LMBR1: variants seen among roughly 807,000 people sequenced by gnomAD.
The protein encoded by LMBR1 is limb region 1 protein homolog.
In LMBR1, 52 loss-of-function variants were observed where a neutral mutation model predicts 73.9. The observed-to-expected ratio is 0.70, with a 90% CI of 0.56 to 0.89. The LOEUF is 0.89. Among genes scored for constraint, LMBR1 ranks in the 40% least tolerant of loss-of-function variants. LMBR1 has a pLI of 0.00. For missense variants in LMBR1, 539 were observed against 579.8 expected (o/e 0.93, Z 0.72); for synonymous variants, 215 against 209.4 (o/e 1.03, Z -0.23).
chr7:156,851,072 C>T (rs1264696469), intron 1 of LMBR1, among the ~76,000 whole-genome samples: 8 of 152,182 alleles, frequency 5.3e-5, no homozygotes, highest in Admixed American at 4.6e-4. Flanking sequence ...TGGAAGCTTT[C>T]TGAGGTCTTC....
intron 4 of LMBR1, among the ~76,000 whole-genome samples, chr7:156,824,831 C>T (rs1033257197): frequency 4.0e-5 from 6 of 149,048 alleles, no homozygotes; most frequent in Non-Finnish European, 7.4e-5. Flanking sequence ...GGCGACAGAG[C>T]GAGACCCTGT....
intron 4 of LMBR1, among the ~76,000 whole-genome samples, chr7:156,799,115 T>C (rs987704441): frequency 6.6e-6 from 1 of 151,696 alleles, no homozygotes; most frequent in African/African-American, 2.4e-5. Flanking sequence ...GGCAGGAGAA[T>C]TGCTTGAACC....
chr7:156,755,679 T>C (rs1298133521), intron 9 of LMBR1, among the ~76,000 whole-genome samples: 2 of 152,192 alleles, frequency 1.3e-5, no homozygotes, highest in Admixed American at 6.5e-5. Flanking sequence ...GTTAGAAGAA[T>C]AAAAGACATA....
At chr7:156,779,653 A>T in intron 5 of LMBR1, 2 of 1,268,100 alleles carry the variant, frequency 1.6e-6, no homozygotes, top group South Asian at 2.5e-5. Flanking sequence ...CAATGTACTT[A>T]CAAAAGCTCT....
chr7:156,795,930 A>T (rs1829997571), intron 5 of LMBR1, among the ~76,000 whole-genome samples: 1 of 152,206 alleles, frequency 6.6e-6, no homozygotes, highest in Non-Finnish European at 1.5e-5. Flanking sequence ...CAGTTTTCTT[A>T]ATGTCAGGTT....
chr7:156,752,470 T>C (rs1821085539), intron 9 of LMBR1, among the ~76,000 whole-genome samples: 1 of 152,160 alleles, frequency 6.6e-6, no homozygotes, highest in African/African-American at 2.4e-5. Context: ...ATCGTGTCCT[T>C]GAATCAGTGA....
At chr7:156,824,255 G>A (rs1471432917) in intron 4 of LMBR1, among the ~76,000 whole-genome samples, 1 of 152,134 alleles carries the variant, frequency 6.6e-6, no homozygotes, top group Admixed American at 6.5e-5. Context: ...TAAGGGAGCG[G>A]TTGGTGTTGC....
intron 3 of LMBR1, 139 bp from the exon 4 acceptor site, chr7:156,826,883 G>T: frequency 1.3e-6 from 1 of 753,884 alleles, no homozygotes. Flanking sequence ...ATGTAGTTGG[G>T]AGACAAATGA....
At chr7:156,881,289 C>T (rs1801046007) in intron 1 of LMBR1, among the ~76,000 whole-genome samples, 2 of 152,120 alleles carry the variant, frequency 1.3e-5, no homozygotes, top group African/African-American at 4.8e-5. Flanking sequence ...TGGAGATTCA[C>T]ATTCAAAAAA....
At chr7:156,880,120 T>C (rs983700624) in intron 1 of LMBR1, among the ~76,000 whole-genome samples, 8 of 152,030 alleles carry the variant, frequency 5.3e-5, no homozygotes, top group Non-Finnish European at 1.2e-4. Flanking sequence ...AATTAACAAG[T>C]GGATATAGAA....
At chr7:156,783,954 CTTG>C (rs1424645355) in intron 5 of LMBR1, among the ~76,000 whole-genome samples, 1 of 149,978 alleles carries the variant, frequency 6.7e-6, no homozygotes, top group Non-Finnish European at 1.5e-5. Context: ...TATCACTCTT[CTTG>C]TTGTATTTTG....
At position 156,696,978 on chromosome 7, in the gene LMBR1, G is replaced by A. The variant is rs189898084; in HGVS notation, c.1226-8787C>T. On this transcript the variant is annotated intron_variant, in intron 15 of 16. Coordinates refer to ENST00000353442, the MANE Select transcript of LMBR1 (RefSeq NM_022458.4). ...AAGTTAGTTACTTCCTAGATACAAC[G>A]GGGATATATTGGGGGACCCTGCTGC... 6.6e-5 allele frequency among the ~76,000 whole-genome samples: 10 copies of A among 152,252 alleles called. No individual in the cohort carries two copies. In the East Asian group the frequency reaches 7.7e-4, roughly 12 times the overall value.
intron 15 of LMBR1, among the ~76,000 whole-genome samples, chr7:156,710,202 G>A (rs1811794511): frequency 6.6e-6 from 1 of 152,022 alleles, no homozygotes; most frequent in South Asian, 2.1e-4. Context: ...ACCGTGCCCG[G>A]CCCAGAAGGT....
intron 15 of LMBR1, among the ~76,000 whole-genome samples, chr7:156,717,032 G>A (rs1029273256): frequency 2.6e-5 from 4 of 151,976 alleles, no homozygotes; most frequent in African/African-American, 4.8e-5. Flanking sequence ...CCAGCTACTC[G>A]GGAGGCTGGG....
intron 9 of LMBR1, among the ~76,000 whole-genome samples, chr7:156,734,811 G>A (rs527295065): frequency 6.6e-6 from 1 of 152,236 alleles, no homozygotes; most frequent in Admixed American, 6.5e-5. Flanking sequence ...TCCTTAAAAT[G>A]ACAATTGTGA....
chr7:156,836,711 T>G (rs572724918), intron 2 of LMBR1, 102 bp downstream of exon 2: 3 of 689,466 alleles, frequency 4.4e-6, no homozygotes, highest in South Asian at 2.5e-5. Flanking sequence ...CACCGGCATA[T>G]TCAATACACT....
At chr7:156,796,272 TTAC>T in intron 5 of LMBR1, 114 bp downstream of exon 5, 1 of 662,682 alleles carries the variant, frequency 1.5e-6, no homozygotes, top group Non-Finnish European at 2.6e-6. Context: ...TCAATATTAT[TTAC>T]TACGCATTTT....
At chr7:156,869,820 A>C (rs1039898101) in intron 1 of LMBR1, among the ~76,000 whole-genome samples, 3 of 152,230 alleles carry the variant, frequency 2.0e-5, no homozygotes, top group Non-Finnish European at 4.4e-5. Flanking sequence ...TTCCATGCAA[A>C]TAGTAATCAA....
At chr7:156,720,153 T>A (rs1415372259) in intron 15 of LMBR1, among the ~76,000 whole-genome samples, 1 of 151,320 alleles carries the variant, frequency 6.6e-6, no homozygotes, top group Non-Finnish European at 1.5e-5. Flanking sequence ...GAAACTACCA[T>A]CAGAGTGAAC....
Sources: gnomAD v4.1 joint callset for allele counts (sites outside exome capture counted in the v4.1 genomes callset) on GRCh38, gnomAD v4.1.1 for gene constraint, MANE v1.5 for transcripts, NCBI Gene and HGNC (gene_info 2026-07-23, HGNC 2026-07-21) for gene names.